Variants in RORB observed in about 807,000 individuals in gnomAD.
RORB encodes the protein RAR related orphan receptor B, also known as nuclear receptor ROR-beta.
RORB carries 6 observed loss-of-function variants against 59.1 expected under a neutral mutation model. That is an observed-to-expected ratio of 0.10 (90% CI 0.06 to 0.20). The LOEUF (loss-of-function observed/expected upper bound fraction) is 0.20, where lower values mean the gene tolerates loss of function less well. RORB is among the 10% of genes least tolerant of loss of function. RORB has a pLI of 1.00. For synonymous variants in RORB, 215 were observed against 204.5 expected, an observed-to-expected ratio of 1.05 and a Z score of -0.44; for missense variants, 320 against 560.5, an observed-to-expected ratio of 0.57 and a Z score of 4.33.
chr9:74,589,368 C>A (rs899514644), intron 1 of RORB, among the ~76,000 whole-genome samples: 5 of 152,114 alleles, frequency 3.3e-5, no homozygotes, highest in African/African-American at 7.2e-5. Context: ...CCTCTCTCCC[C>A]CAACACACAA....
chr9:74,531,719 T>C (rs953739195), intron 1 of RORB, among the ~76,000 whole-genome samples: 1 of 152,022 alleles, frequency 6.6e-6, no homozygotes, highest in East Asian at 1.9e-4. Flanking sequence ...TGATATCTTC[T>C]TTTGAAAGAA....
intron 1 of RORB, among the ~76,000 whole-genome samples, chr9:74,515,341 G>T (rs746362547): frequency 6.6e-5 from 10 of 151,580 alleles, no homozygotes; most frequent in Non-Finnish European, 1.0e-4. Flanking sequence ...CTAGTAAATG[G>T]CAAAACTGGA....
chr9:74,524,758 T>TA (rs974248165), intron 1 of RORB, among the ~76,000 whole-genome samples: 1 of 151,932 alleles, frequency 6.6e-6, no homozygotes, highest in African/African-American at 2.4e-5. Context: ...TGTCTTTTTT[T>TA]ATGTTCAACA....
At chr9:74,544,657 C>A (rs1826460969) in intron 1 of RORB, among the ~76,000 whole-genome samples, 1 of 152,202 alleles carries the variant, frequency 6.6e-6, no homozygotes, top group Admixed American at 6.5e-5. Context: ...TAGGAAACCT[C>A]ATCACGACCA....
intron 4 of RORB, among the ~76,000 whole-genome samples, chr9:74,652,986 A>G (rs966048325): frequency 2.0e-5 from 3 of 152,242 alleles, no homozygotes; most frequent in Non-Finnish European, 4.4e-5. Flanking sequence ...TGCTAAAAAT[A>G]ATGATCTCTA....
At chr9:74,651,007 G>A (rs1371317325) in intron 4 of RORB, among the ~76,000 whole-genome samples, 4 of 152,074 alleles carry the variant, frequency 2.6e-5, no homozygotes, top group Admixed American at 2.0e-4. Context: ...CCTAGTGATG[G>A]CCCTGAGCAA....
intron 1 of RORB, among the ~76,000 whole-genome samples, chr9:74,537,448 GT>G (rs1242167234): frequency 1.3e-5 from 2 of 151,528 alleles, no homozygotes; most frequent in African/African-American, 4.8e-5. Context: ...AGGCTAATTT[GT>G]TTCCCCCACA....
At chr9:74,659,508 C>T (rs7023242) in intron 4 of RORB, among the ~76,000 whole-genome samples, 48,167 of 150,162 alleles carry the variant, frequency 0.32, 8,437 homozygotes, top group South Asian at 0.53. Flanking sequence ...TGTTTTGCTT[C>T]GTTTTGTTTT....
At chr9:74,636,621 T>C (rs1180205054) in intron 3 of RORB, among the ~76,000 whole-genome samples, 1 of 152,164 alleles carries the variant, frequency 6.6e-6, no homozygotes, top group Non-Finnish European at 1.5e-5. Context: ...CAATATAGTG[T>C]CTAAGGACAC....
In RORB at chr9:74,692,284, T is replaced by C. The variant is rs955137976; in HGVS notation, c.*6666T>C. The C allele has an allele frequency of 2.0e-5, 3 of 152,172 alleles. No individual in the cohort carries two copies. The highest frequency in any genetic ancestry group is 7.2e-5 in the African/African-American group (3 of 41,458). The allele number at this position is 152,172 out of a possible 1,614,324, so 9.4% of individuals were successfully genotyped here. A position where few individuals can be genotyped will look rare whatever the true frequency, so the allele number is the denominator to read the frequency against. On this transcript the variant is annotated 3_prime_UTR_variant, in exon 10 of 10. Coordinates refer to ENST00000376896, the MANE Select transcript of RORB (RefSeq NM_006914.4). ...TGATGCTTTTCCTGCATCCCAAATA[T>C]GACTTTAAAAGGCTAGTATTTTATG...
At chr9:74,659,311 G>T (rs1249570568) in intron 4 of RORB, among the ~76,000 whole-genome samples, 2 of 152,158 alleles carry the variant, frequency 1.3e-5, no homozygotes, top group Non-Finnish European at 2.9e-5. Flanking sequence ...CTGCTTTGAG[G>T]GCTGTCCTGG....
At chr9:74,556,778 C>T (rs1005363714) in intron 1 of RORB, among the ~76,000 whole-genome samples, 5 of 151,838 alleles carry the variant, frequency 3.3e-5, no homozygotes, top group African/African-American at 4.8e-5. Flanking sequence ...AGGATGGGGG[C>T]GGTAGGAAAT....
At chr9:74,529,856 C>A (rs1417751144) in intron 1 of RORB, among the ~76,000 whole-genome samples, 1 of 151,790 alleles carries the variant, frequency 6.6e-6, no homozygotes, top group Admixed American at 6.6e-5. Flanking sequence ...GAAATCACCG[C>A]TGAAGGACTT....
At chr9:74,509,417 AT>A (rs1345872912) in intron 1 of RORB, among the ~76,000 whole-genome samples, 5 of 151,930 alleles carry the variant, frequency 3.3e-5, no homozygotes, top group African/African-American at 1.2e-4. Flanking sequence ...ATATTTATGG[AT>A]TTTTTTCCTC....
At chr9:74,643,293 C>A (rs1035492161) in intron 4 of RORB, among the ~76,000 whole-genome samples, 1 of 151,986 alleles carries the variant, frequency 6.6e-6, no homozygotes, top group Non-Finnish European at 1.5e-5. Flanking sequence ...GAAGTCAGGG[C>A]GATAGACCAG....
intron 4 of RORB, among the ~76,000 whole-genome samples, chr9:74,645,582 C>A (rs2118470945): frequency 6.6e-6 from 1 of 152,144 alleles, no homozygotes; most frequent in Middle Eastern, 3.4e-3. Context: ...TATGTAAGCA[C>A]CATTATTATT....
At chr9:74,522,648 G>C (rs529059867) in intron 1 of RORB, among the ~76,000 whole-genome samples, 35 of 151,910 alleles carry the variant, frequency 2.3e-4, no homozygotes, top group African/African-American at 8.0e-4. Flanking sequence ...TCTGTCACTT[G>C]CTTCCTTAGA....
intron 4 of RORB, among the ~76,000 whole-genome samples, chr9:74,648,177 G>C (rs546734431): frequency 2.6e-4 from 39 of 152,262 alleles, no homozygotes; most frequent in African/African-American, 8.4e-4. Context: ...TCAGTGTTTA[G>C]CTCTTTCTTC....
chr9:74,504,053 A>G (rs1253463703), intron 1 of RORB, among the ~76,000 whole-genome samples: 1 of 152,066 alleles, frequency 6.6e-6, no homozygotes, highest in East Asian at 1.9e-4. Context: ...GTATATTTCA[A>G]ACCACTTAGA....
Sources: gnomAD v4.1 joint callset for allele counts (sites outside exome capture counted in the v4.1 genomes callset) on GRCh38, gnomAD v4.1.1 for gene constraint, MANE v1.5 for transcripts, NCBI Gene and HGNC (gene_info 2026-07-23, HGNC 2026-07-21) for gene names.